Variants in CEP170 observed in about 807,000 individuals in gnomAD.
CEP170 encodes the protein centrosomal protein 170.
Under a neutral mutation model 151.9 loss-of-function variants are expected in CEP170, and 21 were observed. The observed-to-expected ratio is 0.14, with a 90% CI of 0.10 to 0.20. The LOEUF (loss-of-function observed/expected upper bound fraction) is 0.20. Among genes scored for constraint, CEP170 ranks in the 10% least tolerant of loss-of-function variants. The probability of loss-of-function intolerance (pLI) is 1.00; values close to 1 mark genes in which losing one functional copy is unlikely to be tolerated. For synonymous variants in CEP170, 356 were observed against 648.8 expected, an observed-to-expected ratio of 0.55 and a Z score of 6.86; for missense variants, 964 against 1,892.9, an observed-to-expected ratio of 0.51 and a Z score of 9.11.
At chr1:243,250,503 G>A (rs1020957668) in intron 1 of CEP170, among the ~76,000 whole-genome samples, 1 of 152,110 alleles carries the variant, frequency 6.6e-6, no homozygotes, top group Non-Finnish European at 1.5e-5. Flanking sequence ...CTACATCAGT[G>A]GTTTCCAGAC....
chr1:243,252,845 AG>A (rs2066065375), intron 1 of CEP170, among the ~76,000 whole-genome samples: 1 of 152,168 alleles, frequency 6.6e-6, no homozygotes, highest in African/African-American at 2.4e-5. Context: ...TAAAATTATA[AG>A]GGAAGAAAAA....
At chr1:243,138,211 A>G (rs1340045434) in intron 16 of CEP170, among the ~76,000 whole-genome samples, 1 of 152,222 alleles carries the variant, frequency 6.6e-6, no homozygotes, top group Non-Finnish European at 1.5e-5. Flanking sequence ...TCTTCCACAT[A>G]GTTTTTTATT....
At chr1:243,128,206 C>G in intron 19 of CEP170, 43 bp downstream of exon 19, 1 of 1,495,178 alleles carries the variant, frequency 6.7e-7, no homozygotes, top group Non-Finnish European at 8.9e-7. Flanking sequence ...GGCACTTATT[C>G]TAAATTATTA....
At chr1:243,157,984 G>A (rs1353560461) in intron 13 of CEP170, among the ~76,000 whole-genome samples, 1 of 152,136 alleles carries the variant, frequency 6.6e-6, no homozygotes, top group Non-Finnish European at 1.5e-5. Flanking sequence ...ATTAGTCATA[G>A]ACCTTTTTTG....
chr1:243,226,210 T>TG (rs2063288014), intron 1 of CEP170, among the ~76,000 whole-genome samples: 1 of 141,816 alleles, frequency 7.1e-6, no homozygotes, highest in African/African-American at 2.6e-5. Flanking sequence ...TATATATATA[T>TG]CTATAGAGAG....
rs185277182 is a variant in CEP170, at chr1:243,216,410, T to C, written c.196-4446A>G. Among the ~76,000 whole-genome samples the C allele has an allele frequency of 2.6e-4, 39 of 150,664 alleles. No individual in the cohort carries two copies. The East Asian group carries it at 5.7e-3, about 22-fold the overall frequency. On this transcript the variant is annotated intron_variant, in intron 3 of 19. Coordinates refer to ENST00000366542, the MANE Select transcript of CEP170 (RefSeq NM_014812.3). ...TGATGTTCCCCTTCCTGTGTCCATGTGTTCTCATTGTTCAATTCCAACCTA... is the reference window on the plus strand; with the variant it reads ...TGATGTTCCCCTTCCTGTGTCCATGCGTTCTCATTGTTCAATTCCAACCTA...
At chr1:243,178,960 AC>A (rs1439473501) in intron 10 of CEP170, among the ~76,000 whole-genome samples, 4 of 151,730 alleles carry the variant, frequency 2.6e-5, no homozygotes, top group Admixed American at 2.6e-4. Flanking sequence ...CCTCGTGATC[AC>A]CCGCCTTGGC....
chr1:243,146,952 TC>T (rs968284158), intron 14 of CEP170, among the ~76,000 whole-genome samples: 2 of 151,328 alleles, frequency 1.3e-5, no homozygotes, highest in African/African-American at 2.4e-5. Flanking sequence ...CAATTGTGAA[TC>T]CCCCCTAACC....
At chr1:243,248,032 T>G (rs971970756) in intron 1 of CEP170, among the ~76,000 whole-genome samples, 10 of 152,258 alleles carry the variant, frequency 6.6e-5, no homozygotes, top group African/African-American at 1.9e-4. Flanking sequence ...GCTGCCATAC[T>G]CATCCACGTA....
At chr1:243,194,190 G>C (rs943473293) in intron 7 of CEP170, among the ~76,000 whole-genome samples, 2 of 151,850 alleles carry the variant, frequency 1.3e-5, no homozygotes, top group Non-Finnish European at 2.9e-5. Flanking sequence ...GTAGAGACAA[G>C]ATGAAAAACA....
intron 2 of CEP170, 135 bp from the exon 3 acceptor site, chr1:243,221,948 T>C: frequency 1.4e-6 from 1 of 690,832 alleles, no homozygotes. Context: ...TTAAATGAGA[T>C]TAAAACGGTG....
intron 3 of CEP170, among the ~76,000 whole-genome samples, chr1:243,218,688 A>T (rs1370786607): frequency 6.6e-6 from 1 of 152,228 alleles, no homozygotes; most frequent in East Asian, 1.9e-4. Flanking sequence ...ACAGGTTGCT[A>T]AACTTGTCTT....
At chr1:243,214,244 G>T (rs996793525) in intron 3 of CEP170, among the ~76,000 whole-genome samples, 1 of 147,832 alleles carries the variant, frequency 6.8e-6, no homozygotes, top group Admixed American at 6.7e-5. Flanking sequence ...GAGGAAAAAA[G>T]ATGGCTATCC....
At position 243,191,280 on chromosome 1, in the gene CEP170, A is replaced by C; in HGVS notation, c.846T>G (p.Ile282Met). ...ITGAGHASFT[I>M]EFDDSTPGKV... Reference sequence around the variant, plus strand: ...TCCCTGGGGTACTGTCATCAAATTCAATGGTAAATGAAGCATGCCCTGCAC... The same window carrying C: ...TCCCTGGGGTACTGTCATCAAATTCCATGGTAAATGAAGCATGCCCTGCAC... The change falls in exon 8 of 20, where the codon ATT becomes ATG. Residue 282 changes from isoleucine (I) to methionine (M), a missense_variant. Ile to Met is a conservative substitution (Grantham distance 10, BLOSUM62 1). Coordinates refer to ENST00000366542, the MANE Select transcript of CEP170 (RefSeq NM_014812.3). The C allele has an allele frequency of 2.5e-6, 4 of 1,612,360 alleles. No individual in the cohort carries two copies. The highest frequency in any genetic ancestry group is 3.4e-6 in the Non-Finnish European group (4 of 1,179,258).
At chr1:243,185,000 G>T (rs146848513) in intron 10 of CEP170, among the ~76,000 whole-genome samples, 2,899 of 152,276 alleles carry the variant, frequency 0.019, 92 homozygotes, top group African/African-American at 0.066. Context: ...TGTTTTGCAA[G>T]AGGTAATATG....
chr1:243,220,774 C>A (rs2062726933), intron 3 of CEP170, among the ~76,000 whole-genome samples: 1 of 152,120 alleles, frequency 6.6e-6, no homozygotes, highest in South Asian at 2.1e-4. Flanking sequence ...AGAAATAATT[C>A]AATACTTCAG....
chr1:243,205,520 G>A (rs1432224513), intron 4 of CEP170, among the ~76,000 whole-genome samples: 1 of 152,126 alleles, frequency 6.6e-6, no homozygotes, highest in African/African-American at 2.4e-5. Context: ...GACCAGATTT[G>A]GTCAATGAGT....
chr1:243,164,071 T>C (rs1251551358), intron 13 of CEP170, among the ~76,000 whole-genome samples: 3 of 152,190 alleles, frequency 2.0e-5, no homozygotes, highest in Admixed American at 6.5e-5. Flanking sequence ...AGGACTCTAA[T>C]TGGAAGTATG....
At chr1:243,254,636 C>A (rs561189593) in intron 1 of CEP170, among the ~76,000 whole-genome samples, 6 of 152,362 alleles carry the variant, frequency 3.9e-5, no homozygotes, top group African/African-American at 1.4e-4. Flanking sequence ...CCCTCCAATG[C>A]TCCGCCCGCA....
Sources: gnomAD v4.1 joint callset for allele counts (sites outside exome capture counted in the v4.1 genomes callset) on GRCh38, gnomAD v4.1.1 for gene constraint, MANE v1.5 for transcripts, NCBI Gene and HGNC (gene_info 2026-07-23, HGNC 2026-07-21) for gene names.